GRIK4: variants seen among roughly 807,000 people sequenced by gnomAD.
The protein encoded by GRIK4 is glutamate ionotropic receptor kainate type subunit 4.
A neutral mutation model predicts 104.9 loss-of-function variants in GRIK4; 40 were observed. The ratio of observed to expected loss-of-function variants is 0.38; its 90% CI spans 0.30 to 0.50. GRIK4 has a LOEUF of 0.50. Among genes scored for constraint, GRIK4 ranks in the 20% least tolerant of loss-of-function variants. The pLI, the probability that GRIK4 is intolerant of heterozygous loss-of-function variation, is 0.93. For missense variants in GRIK4, 1,047 were observed against 1,308.1 expected, an observed-to-expected ratio of 0.80 and a Z score of 3.08; for synonymous variants, 485 against 524.9, an observed-to-expected ratio of 0.92 and a Z score of 1.04.
chr11:120,977,530 G>GTTT (rs1421187643), intron 19 of GRIK4, among the ~76,000 whole-genome samples: 2 of 152,172 alleles, frequency 1.3e-5, no homozygotes, highest in Non-Finnish European at 2.9e-5. Flanking sequence ...CGCTCCATCT[G>GTTT]TTTTTCAACT....
chr11:120,548,994 C>T (rs1176639646), intron 1 of GRIK4, among the ~76,000 whole-genome samples: 1 of 152,178 alleles, frequency 6.6e-6, no homozygotes, highest in African/African-American at 2.4e-5. Context: ...CCAGGCAGGC[C>T]CAGGACACAG....
At chr11:120,709,965 G>A (rs1004706020) in intron 3 of GRIK4, among the ~76,000 whole-genome samples, 1 of 152,154 alleles carries the variant, frequency 6.6e-6, no homozygotes, top group Non-Finnish European at 1.5e-5. Flanking sequence ...GCTAACGCAG[G>A]CGAGGGTGCT....
chr11:120,790,196 A>G (rs1952367549), intron 3 of GRIK4, among the ~76,000 whole-genome samples: 1 of 152,206 alleles, frequency 6.6e-6, no homozygotes. Flanking sequence ...AAGCAGAGAT[A>G]CATCTTATCC....
chr11:120,942,893 C>T (rs929685408), intron 14 of GRIK4, among the ~76,000 whole-genome samples: 19 of 152,026 alleles, frequency 1.2e-4, no homozygotes, highest in African/African-American at 4.1e-4. Flanking sequence ...CTCTTGATAA[C>T]GTGGGTGGGC....
chr11:120,658,482 A>C (rs931824165), intron 2 of GRIK4, among the ~76,000 whole-genome samples: 1 of 152,098 alleles, frequency 6.6e-6, no homozygotes, highest in African/African-American at 2.4e-5. Flanking sequence ...CAGTTTACAC[A>C]CCTACTACCA....
At chr11:120,690,567 T>A (rs1239464470) in intron 3 of GRIK4, among the ~76,000 whole-genome samples, 1 of 152,202 alleles carries the variant, frequency 6.6e-6, no homozygotes, top group African/African-American at 2.4e-5. Context: ...GGGCCCTACC[T>A]GTCATGAATT....
At chr11:120,636,299 A>G (rs942209561) in intron 1 of GRIK4, among the ~76,000 whole-genome samples, 6 of 152,152 alleles carry the variant, frequency 3.9e-5, no homozygotes, top group African/African-American at 1.4e-4. Flanking sequence ...CCCCTACCCC[A>G]GGGGAGCATG....
intron 3 of GRIK4, among the ~76,000 whole-genome samples, chr11:120,753,965 C>T (rs1951607578): frequency 6.6e-6 from 1 of 152,184 alleles, no homozygotes; most frequent in Non-Finnish European, 1.5e-5. Context: ...TCCTCATTGT[C>T]CCCATTCATC....
intron 3 of GRIK4, among the ~76,000 whole-genome samples, chr11:120,728,952 T>C (rs915885871): frequency 1.3e-5 from 2 of 152,176 alleles, no homozygotes; most frequent in African/African-American, 4.8e-5. Flanking sequence ...CCTTCTACTC[T>C]CTTTCTCCAT....
intron 3 of GRIK4, among the ~76,000 whole-genome samples, chr11:120,680,679 TG>T (rs913572787): frequency 1.3e-5 from 2 of 152,096 alleles, no homozygotes; most frequent in Admixed American, 6.5e-5. Context: ...GGCTTGAAAA[TG>T]GGGACATCAG....
chr11:120,949,386 C>T (rs1440261707), intron 14 of GRIK4, among the ~76,000 whole-genome samples: 1 of 152,222 alleles, frequency 6.6e-6, no homozygotes, highest in African/African-American at 2.4e-5. Context: ...TTGCTGTTGT[C>T]TAATTTTCAA....
At chr11:120,968,254 G>A (rs1444928938) in intron 19 of GRIK4, among the ~76,000 whole-genome samples, 1 of 152,154 alleles carries the variant, frequency 6.6e-6, no homozygotes, top group Non-Finnish European at 1.5e-5. Context: ...GGATGGTATA[G>A]TCTTGTTTCT....
intron 3 of GRIK4, among the ~76,000 whole-genome samples, chr11:120,678,863 G>A (rs1027646845): frequency 2.6e-5 from 4 of 151,844 alleles, no homozygotes; most frequent in Admixed American, 6.6e-5. Flanking sequence ...TCGAACTCCC[G>A]ACCTTGTGAT....
At chr11:120,913,960 T>C (rs1466973537) in intron 13 of GRIK4, among the ~76,000 whole-genome samples, 1 of 152,212 alleles carries the variant, frequency 6.6e-6, no homozygotes, top group African/African-American at 2.4e-5. Flanking sequence ...TATTCAGCAT[T>C]CTTTAAAATA....
At chr11:120,644,322 G>A (rs1040569303) in intron 1 of GRIK4, among the ~76,000 whole-genome samples, 1 of 152,174 alleles carries the variant, frequency 6.6e-6, no homozygotes, top group African/African-American at 2.4e-5. Flanking sequence ...TCCAGGCAAC[G>A]GGAATGTGGT....
Position 120,902,719 on chromosome 11 carries a change from A to G in GRIK4, c.1273-2571A>G, listed in dbSNP as rs1942769706. Among the ~76,000 whole-genome samples the G allele has an allele frequency of 6.6e-6, 1 of 152,196 alleles. No individual in the cohort carries two copies. The highest frequency in any genetic ancestry group is 1.5e-5 in the Non-Finnish European group (1 of 68,032). Reference sequence around the variant, plus strand: ...GGAGGGTGATTGTGTGGGCCCTGGCATGAGAGCAGGGGAGTTCTGAGACAT... The same window carrying G: ...GGAGGGTGATTGTGTGGGCCCTGGCGTGAGAGCAGGGGAGTTCTGAGACAT... On this transcript the variant is annotated intron_variant, in intron 12 of 20. Transcript: ENST00000527524. The surrounding 1 kb of genome is among the most constrained non-coding windows in gnomAD (Gnocchi z 4.5).
intron 3 of GRIK4, among the ~76,000 whole-genome samples, chr11:120,667,823 G>A (rs1002113104): frequency 2.0e-5 from 3 of 152,236 alleles, no homozygotes; most frequent in Non-Finnish European, 4.4e-5. Context: ...CAGTCCTATA[G>A]CTGGGCAGAC....
At chr11:120,606,693 C>G (rs921892325) in intron 1 of GRIK4, among the ~76,000 whole-genome samples, 3 of 152,192 alleles carry the variant, frequency 2.0e-5, no homozygotes, top group Non-Finnish European at 4.4e-5. Context: ...TCGTTAGGAG[C>G]TGTGAGCATG....
chr11:120,522,725 A>G (rs982941612), intron 1 of GRIK4, among the ~76,000 whole-genome samples: 1 of 152,016 alleles, frequency 6.6e-6, no homozygotes. Context: ...GTCTCCTTCT[A>G]CCTCAGTTTC....
Sources: allele counts gnomAD v4.1 joint callset (sites outside exome capture counted in the v4.1 genomes callset), GRCh38; gene constraint gnomAD v4.1.1; non-coding constraint Gnocchi (gnomAD v3.1); transcripts MANE v1.5; gene names NCBI Gene and HGNC (gene_info 2026-07-23, HGNC 2026-07-21).